The following PLCXD3 variants were observed in gnomAD, a reference collection of about 807,000 sequenced individuals.
The protein encoded by PLCXD3 is phosphatidylinositol specific phospholipase C X domain containing 3, also known as PI-PLC X domain-containing protein 3.
Under a neutral mutation model 25.5 loss-of-function variants are expected in PLCXD3, and 19 were observed. The ratio of observed to expected loss-of-function variants is 0.75; its 90% CI spans 0.52 to 1.09. PLCXD3 has a LOEUF of 1.09. Ranked by LOEUF, PLCXD3 falls within the 50% of genes least tolerant of loss-of-function variation. PLCXD3 has a pLI of 0.00. For missense variants in PLCXD3, 411 were observed against 388.1 expected, an observed-to-expected ratio of 1.06 and a Z score of -0.50; for synonymous variants, 174 against 137.6, an observed-to-expected ratio of 1.26 and a Z score of -1.85.
chr5:41,381,493 A>G (rs1375362514), intron 2 of PLCXD3, among the ~76,000 whole-genome samples: 1 of 152,092 alleles, frequency 6.6e-6, no homozygotes, highest in Non-Finnish European at 1.5e-5. Context: ...CATGAGAAAA[A>G]GGAGACAGAG....
intron 2 of PLCXD3, among the ~76,000 whole-genome samples, chr5:41,340,572 G>C (rs1364078251): frequency 6.6e-6 from 1 of 152,056 alleles, no homozygotes; most frequent in African/African-American, 2.4e-5. Context: ...ACTAGAGATG[G>C]CCATGGTCTC....
At position 41,386,562 on chromosome 5, in the gene PLCXD3, T is replaced by A. The variant is rs573419641; in HGVS notation, c.104-4028A>T. On this transcript the variant is annotated intron_variant, in intron 1 of 2. Transcript: ENST00000377801. ...ATGTCACATTATATAGAAATGAGAC[T>A]TTTAAAAATATGTAATTAAGGTCCC... 5.3e-5 allele frequency among the ~76,000 whole-genome samples: 8 copies of A among 152,194 alleles called. No individual in the cohort carries two copies. The South Asian group carries it at 1.7e-3, about 32-fold the overall frequency.
chr5:41,413,764 C>T (rs1372048132), intron 1 of PLCXD3, among the ~76,000 whole-genome samples: 1 of 152,064 alleles, frequency 6.6e-6, no homozygotes, highest in South Asian at 2.1e-4. Flanking sequence ...GGCTTTGATT[C>T]TCAGTACAAT....
chr5:41,430,762 C>T (rs958654799), intron 1 of PLCXD3, among the ~76,000 whole-genome samples: 3 of 151,998 alleles, frequency 2.0e-5, no homozygotes, highest in South Asian at 2.1e-4. Flanking sequence ...ATAAATTATT[C>T]GAAAGCTTTT....
chr5:41,312,979 T>C lies in PLCXD3; in HGVS notation c.*638A>G, dbSNP rs1050694010. ...CTCCTATATTTATAGCTGCCTTAAA[T>C]AGAAATACTGTGAAACACTATTATT... On this transcript the variant is annotated 3_prime_UTR_variant, in exon 3 of 3. Coordinates refer to ENST00000377801, the MANE Select transcript of PLCXD3 (RefSeq NM_001005473.3). The C allele has an allele frequency of 1.3e-5, 2 of 152,552 alleles. No individual in the cohort carries two copies. The highest frequency in any genetic ancestry group is 2.9e-5 in the Non-Finnish European group (2 of 68,032). The allele number at this position is 152,552 out of a possible 1,614,324, so 9.4% of individuals were successfully genotyped here. A position where few individuals can be genotyped will look rare whatever the true frequency, so the allele number is the denominator to read the frequency against.
chr5:41,390,862 C>T (rs1003392434), intron 1 of PLCXD3, among the ~76,000 whole-genome samples: 1 of 152,196 alleles, frequency 6.6e-6, no homozygotes, highest in African/African-American at 2.4e-5. Flanking sequence ...CTTCCCTACC[C>T]TGGCGGCAGT....
At chr5:41,492,418 G>A (rs1417325662) in intron 1 of PLCXD3, among the ~76,000 whole-genome samples, 1 of 152,012 alleles carries the variant, frequency 6.6e-6, no homozygotes, top group Admixed American at 6.6e-5. Context: ...GTGTCTTGGA[G>A]TTGCTCTTCT....
At chr5:41,353,385 G>A (rs1165408661) in intron 2 of PLCXD3, among the ~76,000 whole-genome samples, 1 of 152,050 alleles carries the variant, frequency 6.6e-6, no homozygotes, top group Non-Finnish European at 1.5e-5. Flanking sequence ...ACAGGCGTGG[G>A]CTACCGTGCC....
At chr5:41,498,077 T>G (rs911186344) in intron 1 of PLCXD3, among the ~76,000 whole-genome samples, 2 of 151,528 alleles carry the variant, frequency 1.3e-5, no homozygotes, top group African/African-American at 4.8e-5. Flanking sequence ...CAGTAATAAA[T>G]GCCTATATTA....
At chr5:41,434,378 G>A (rs1311948452) in intron 1 of PLCXD3, among the ~76,000 whole-genome samples, 1 of 152,164 alleles carries the variant, frequency 6.6e-6, no homozygotes, top group Non-Finnish European at 1.5e-5. Context: ...ATTGGAAAGC[G>A]AGGAGATGAG....
chr5:41,398,798 C>T (rs1746088251), intron 1 of PLCXD3, among the ~76,000 whole-genome samples: 1 of 152,180 alleles, frequency 6.6e-6, no homozygotes, highest in South Asian at 2.1e-4. Context: ...ATCTAGAACA[C>T]AACAAGGATG....
At position 41,382,066 on chromosome 5, in the gene PLCXD3, A is replaced by C. The variant is rs1331483401; in HGVS notation, c.572T>G (p.Val191Gly). The C allele has an allele frequency of 6.2e-7, 1 of 1,613,734 alleles. No individual in the cohort carries two copies. Among genetic ancestry groups the C allele is most frequent in the Non-Finnish European group, 8.5e-7 (1 of 1,179,770 alleles). ...LKYLWEKDYQ[V>G]LVFYHSPVAL... is the part of the protein sequence containing the mutation. ...CACTGGACTATGGTAGAAGACCAGC[A>C]CTTGATAGTCCTTCTCCCACAGGTA... The change falls in exon 2 of 3, where the codon GTG (valine) becomes GGG (glycine). Residue 191 changes from valine (V) to glycine (G), a missense_variant. Val to Gly is a moderately radical substitution (Grantham distance 109, BLOSUM62 -3). Transcript: ENST00000377801.
At chr5:41,473,887 A>G (rs1748226476) in intron 1 of PLCXD3, among the ~76,000 whole-genome samples, 1 of 152,086 alleles carries the variant, frequency 6.6e-6, no homozygotes, top group Non-Finnish European at 1.5e-5. Context: ...CCCCTCCCCC[A>G]TCCCCATCCT....
At chr5:41,420,131 CA>C (rs1746785995) in intron 1 of PLCXD3, among the ~76,000 whole-genome samples, 1 of 152,114 alleles carries the variant, frequency 6.6e-6, no homozygotes, top group Non-Finnish European at 1.5e-5. Flanking sequence ...ACAATGATTG[CA>C]CCTATATCAA....
At chr5:41,396,790 G>T (rs571748355) in intron 1 of PLCXD3, among the ~76,000 whole-genome samples, 2 of 152,194 alleles carry the variant, frequency 1.3e-5, no homozygotes, top group East Asian at 1.9e-4. Context: ...AGCAAAGCTC[G>T]CACTTGCTAT....
At chr5:41,475,507 C>A in intron 1 of PLCXD3, 1 of 462,944 alleles carries the variant, frequency 2.2e-6, no homozygotes, top group Non-Finnish European at 4.4e-6. Context: ...TCTTTCCCTA[C>A]CTATCTCTAT....
At chr5:41,400,898 A>G (rs1335845716) in intron 1 of PLCXD3, among the ~76,000 whole-genome samples, 1 of 152,098 alleles carries the variant, frequency 6.6e-6, no homozygotes, top group Non-Finnish European at 1.5e-5. Context: ...AGGATACCTC[A>G]TTCTCTATGT....
rs184510373 is a variant in PLCXD3 at position 41,335,055 on chromosome 5, G to C, written c.813-21285C>G. Reference sequence around the variant, plus strand: ...TTTCTTTCAAGGGCAGAACTCTTCTGTGTGGGATCACATGTTCTCACTTCA... The same window carrying C: ...TTTCTTTCAAGGGCAGAACTCTTCTCTGTGGGATCACATGTTCTCACTTCA... On this transcript the variant is annotated intron_variant, in intron 2 of 2. Coordinates refer to ENST00000377801, the MANE Select transcript of PLCXD3 (RefSeq NM_001005473.3). Among the ~76,000 whole-genome samples, 368 of 152,298 alleles carry C rather than the reference G, an allele frequency of 2.4e-3. 2 individuals carry two copies. The highest frequency in any genetic ancestry group is 7.8e-3 in the African/African-American group (326 of 41,572).
chr5:41,314,252 G>T (rs1348510788), intron 2 of PLCXD3, among the ~76,000 whole-genome samples: 3 of 152,186 alleles, frequency 2.0e-5, no homozygotes, highest in Non-Finnish European at 2.9e-5. Context: ...TTGGTGGTGG[G>T]TAGGCAGACA....
Sources: gnomAD v4.1 joint callset for allele counts (sites outside exome capture counted in the v4.1 genomes callset) on GRCh38, gnomAD v4.1.1 for gene constraint, MANE v1.5 for transcripts, NCBI Gene and HGNC (gene_info 2026-07-23, HGNC 2026-07-21) for gene names.